SEMA5A: variants seen among roughly 807,000 people sequenced by gnomAD.
The protein encoded by SEMA5A is semaphorin-5A.
A neutral mutation model predicts 135.5 loss-of-function variants in SEMA5A; 55 were observed. The ratio of observed to expected loss-of-function variants is 0.41; its 90% CI spans 0.33 to 0.51. The LOEUF is 0.51. SEMA5A is among the 20% of genes least tolerant of loss of function. The pLI is 0.37. For synonymous variants in SEMA5A, 580 were observed against 546.5 expected (o/e 1.06, Z -0.85); for missense variants, 1,290 against 1,419.9 (o/e 0.91, Z 1.47).
chr5:9,443,412 G>A (rs1758312541), intron 1 of SEMA5A, among the ~76,000 whole-genome samples: 1 of 151,978 alleles, frequency 6.6e-6, no homozygotes, highest in Non-Finnish European at 1.5e-5. Context: ...GCAGCTACAG[G>A]GATAACAGGA....
chr5:9,273,213 T>C (rs1750079064), intron 5 of SEMA5A, among the ~76,000 whole-genome samples: 1 of 151,970 alleles, frequency 6.6e-6, no homozygotes, highest in Non-Finnish European at 1.5e-5. Flanking sequence ...AATAGCTGAA[T>C]CAATTAAGCA....
intron 5 of SEMA5A, among the ~76,000 whole-genome samples, chr5:9,287,718 C>A (rs1579284613): frequency 6.6e-6 from 1 of 152,122 alleles, no homozygotes; most frequent in Non-Finnish European, 1.5e-5. Context: ...TTGTCTATAG[C>A]CGGCTTTGTA....
intron 16 of SEMA5A, among the ~76,000 whole-genome samples, chr5:9,097,495 G>A (rs1172425683): frequency 1.3e-5 from 2 of 152,160 alleles, no homozygotes; most frequent in African/African-American, 4.8e-5. Flanking sequence ...GAAGCTTTTT[G>A]TTCAATTCTC....
intron 5 of SEMA5A, among the ~76,000 whole-genome samples, chr5:9,275,700 A>G (rs1750225125): frequency 6.6e-6 from 1 of 152,220 alleles, no homozygotes; most frequent in African/African-American, 2.4e-5. Context: ...AGTCAAGGTA[A>G]TCCATCACAT....
intron 11 of SEMA5A, among the ~76,000 whole-genome samples, chr5:9,170,135 A>C (rs1364116355): frequency 1.3e-5 from 2 of 152,286 alleles, no homozygotes; most frequent in East Asian, 3.9e-4. Context: ...AAGTATGAAC[A>C]GGGTCTGTGC....
Position 9,062,909 on chromosome 5 carries a change from T to C in SEMA5A, c.2496A>G (p.Glu832=). The C allele has an allele frequency of 6.2e-7, 1 of 1,614,250 alleles. No individual in the cohort carries two copies. The highest frequency in any genetic ancestry group is 1.1e-5 in the South Asian group (1 of 91,084). ...TACCTGGGCAGGGCAAAATGTTGCA[T>C]TCCTGGTATTCCAGAGATGGGCCAA... ...PCLGPSLEYQ[E]CNILPCPVDG... Residue 832 remains glutamate, a synonymous_variant, in exon 18 of 23, where the codon GAA becomes GAG. Coordinates refer to ENST00000382496, the MANE Select transcript of SEMA5A (RefSeq NM_003966.3).
At chr5:9,278,201 T>C (rs1270835002) in intron 5 of SEMA5A, among the ~76,000 whole-genome samples, 2 of 152,094 alleles carry the variant, frequency 1.3e-5, no homozygotes, top group Non-Finnish European at 2.9e-5. Context: ...CAACCCTTGC[T>C]ATGCTTAAGC....
intron 1 of SEMA5A, among the ~76,000 whole-genome samples, chr5:9,467,367 C>T (rs1402576025): frequency 6.6e-6 from 1 of 152,148 alleles, no homozygotes; most frequent in Non-Finnish European, 1.5e-5. Context: ...CCGCCTCAGC[C>T]TCCCAAAGTG....
chr5:9,083,160 T>A (rs932562241), intron 16 of SEMA5A, among the ~76,000 whole-genome samples: 4 of 152,234 alleles, frequency 2.6e-5, no homozygotes, highest in Non-Finnish European at 5.9e-5. Context: ...ACATTTCATT[T>A]CATTGTATGC....
At chr5:9,129,063 C>T (rs1741266095) in intron 13 of SEMA5A, among the ~76,000 whole-genome samples, 2 of 152,312 alleles carry the variant, frequency 1.3e-5, no homozygotes, top group South Asian at 2.1e-4. Flanking sequence ...TTAGTAGGGT[C>T]TTAAGCAAAG....
chr5:9,481,055 C>T (rs1759858590), intron 1 of SEMA5A, among the ~76,000 whole-genome samples: 1 of 152,102 alleles, frequency 6.6e-6, no homozygotes. Context: ...AAGCGATTCT[C>T]CTGCCTCAGC....
intron 18 of SEMA5A, among the ~76,000 whole-genome samples, chr5:9,057,780 A>G (rs1736970164): frequency 6.6e-6 from 1 of 152,218 alleles, no homozygotes; most frequent in Admixed American, 6.6e-5. Context: ...GAAGTTGCTT[A>G]GTCTGCAATT....
intron 16 of SEMA5A, among the ~76,000 whole-genome samples, chr5:9,098,795 T>C (rs1296294319): frequency 6.6e-6 from 1 of 152,232 alleles, no homozygotes; most frequent in Non-Finnish European, 1.5e-5. Flanking sequence ...ATATAAGTTC[T>C]AGGTATTTTA....
intron 1 of SEMA5A, among the ~76,000 whole-genome samples, chr5:9,507,148 C>T (rs1735931575): frequency 6.6e-6 from 1 of 152,130 alleles, no homozygotes; most frequent in Admixed American, 6.5e-5. Context: ...ATCATGTTTT[C>T]TCACTGTAAT....
At chr5:9,185,788 AGAAG>A (rs1246207040) in intron 11 of SEMA5A, among the ~76,000 whole-genome samples, 1 of 152,194 alleles carries the variant, frequency 6.6e-6, no homozygotes, top group African/African-American at 2.4e-5. Flanking sequence ...ATCTCATCCT[AGAAG>A]GGAGAATAGA....
chr5:9,080,458 G>T (rs1044114000), intron 16 of SEMA5A, among the ~76,000 whole-genome samples: 1 of 151,602 alleles, frequency 6.6e-6, no homozygotes, highest in Non-Finnish European at 1.5e-5. Flanking sequence ...CAGGTTGATG[G>T]GTGCAGCAAA....
intron 5 of SEMA5A, among the ~76,000 whole-genome samples, chr5:9,242,441 A>G (rs1748250599): frequency 6.6e-6 from 1 of 152,190 alleles, no homozygotes; most frequent in Non-Finnish European, 1.5e-5. Context: ...TTATTTTTTC[A>G]CATTAATTTT....
chr5:9,195,652 A>G (rs146367089), intron 10 of SEMA5A, among the ~76,000 whole-genome samples: 116 of 152,372 alleles, frequency 7.6e-4, no homozygotes, highest in African/African-American at 2.7e-3. Context: ...TAATTTGCTC[A>G]AGGAAAGCAG....
chr5:9,053,719 G>C (rs529036778), intron 19 of SEMA5A: 1 of 164,166 alleles, frequency 6.1e-6, no homozygotes, highest in South Asian at 2.0e-4. Flanking sequence ...CCTCAACACA[G>C]CAAGGTGTCA....
Sources: gnomAD v4.1 joint callset for allele counts (sites outside exome capture counted in the v4.1 genomes callset) on GRCh38, gnomAD v4.1.1 for gene constraint, MANE v1.5 for transcripts, NCBI Gene and HGNC (gene_info 2026-07-23, HGNC 2026-07-21) for gene names.